Variants in C10orf90 observed in about 807,000 individuals in gnomAD.
C10orf90 encodes chromosome 10 open reading frame 90, also known as (E2-independent) E3 ubiquitin-conjugating enzyme FATS.
C10orf90 carries 56 observed loss-of-function variants against 62.5 expected under a neutral mutation model. That is an observed-to-expected ratio of 0.90 (90% CI 0.72 to 1.12). The LOEUF (loss-of-function observed/expected upper bound fraction) is 1.12, where lower values mean the gene tolerates loss of function less well. Ranked by LOEUF, C10orf90 falls within the 50% of genes most tolerant of loss-of-function variation. The pLI is 0.00. For missense variants in C10orf90, 970 were observed against 880.4 expected (o/e 1.10, Z -1.29); for synonymous variants, 386 against 340.4 (o/e 1.13, Z -1.47).
intron 4 of C10orf90, among the ~76,000 whole-genome samples, chr10:126,494,907 C>T (rs1463199349): frequency 6.6e-6 from 1 of 152,232 alleles, no homozygotes; most frequent in Admixed American, 6.5e-5. Context: ...GCCCTTCAGG[C>T]CCTCATAGGG....
intron 2 of C10orf90, among the ~76,000 whole-genome samples, chr10:126,569,062 T>G (rs778392599): frequency 6.6e-6 from 1 of 152,032 alleles, no homozygotes; most frequent in African/African-American, 2.4e-5. Flanking sequence ...TGACGTCAGC[T>G]GGCAGGAGGG....
intron 2 of C10orf90, among the ~76,000 whole-genome samples, chr10:126,567,240 T>A (rs966939060): frequency 1.3e-5 from 2 of 152,130 alleles, no homozygotes; most frequent in African/African-American, 4.8e-5. Context: ...TGGGAAAGCC[T>A]CAGGAAACTT....
intron 4 of C10orf90, among the ~76,000 whole-genome samples, chr10:126,490,589 A>G (rs1315601583): frequency 1.3e-5 from 2 of 152,130 alleles, no homozygotes; most frequent in African/African-American, 2.4e-5. Flanking sequence ...ACTTAATGCC[A>G]CAGAACTGTA....
intron 2 of C10orf90, among the ~76,000 whole-genome samples, chr10:126,565,821 C>A (rs116817697): frequency 2.0e-5 from 3 of 152,140 alleles, no homozygotes; most frequent in African/African-American, 7.2e-5. Flanking sequence ...ATCCTCCACC[C>A]GCTGTTTTGA....
At chr10:126,573,212 G>A (rs777106831) in intron 2 of C10orf90, among the ~76,000 whole-genome samples, 4 of 152,148 alleles carry the variant, frequency 2.6e-5, no homozygotes, top group Admixed American at 6.5e-5. Flanking sequence ...GCAAGCAGGC[G>A]GTACGTGACT....
intron 4 of C10orf90, among the ~76,000 whole-genome samples, chr10:126,497,871 T>C (rs955761584): frequency 3.3e-5 from 5 of 152,364 alleles, no homozygotes; most frequent in Admixed American, 2.6e-4. Flanking sequence ...CTCGGCCTCC[T>C]GGTGGTTTGC....
chr10:126,507,201 C>CA (rs1862792130), intron 3 of C10orf90, among the ~76,000 whole-genome samples: 1 of 151,436 alleles, frequency 6.6e-6, no homozygotes, highest in South Asian at 2.1e-4. Context: ...ACTAAAAATA[C>CA]AAAAAATTAG....
rs749560926 is a variant in C10orf90, at chr10:126,504,391, G to A, written c.1100C>T (p.Ser367Phe). 6.2e-7 allele frequency: 1 copy of A among 1,614,096 alleles called. No individual in the cohort carries two copies. The highest frequency in any genetic ancestry group is 8.5e-7 in the Non-Finnish European group (1 of 1,180,052). The change falls in exon 4 of 10, where the codon TCT becomes TTT. Residue 367 changes from serine to phenylalanine, a missense_variant. Transcript: ENST00000488181. This position sits in a 1 kb window ranked among gnomAD's most constrained non-coding sequence, Gnocchi z 4.1. ...AGGTGGCTCAATGGGGACGGAGAGA[G>A]ACTTGTCTACGTAATAGATTGAATC... ...CPDSIYYVDK[S>F]LSVPIEPPQI...
intron 3 of C10orf90, among the ~76,000 whole-genome samples, chr10:126,506,357 G>A (rs557519837): frequency 6.6e-6 from 1 of 152,342 alleles, no homozygotes; most frequent in African/African-American, 2.4e-5. Context: ...ACAGGGTCCT[G>A]GCCCCCGTTT....
intron 4 of C10orf90, among the ~76,000 whole-genome samples, chr10:126,498,062 C>G (rs1418005722): frequency 3.3e-5 from 5 of 152,316 alleles, no homozygotes; most frequent in South Asian, 2.1e-4. Context: ...GATTGTTTAC[C>G]TGATTCTCAA....
At chr10:126,640,629 G>T (rs1284611900) in intron 2 of C10orf90, among the ~76,000 whole-genome samples, 2 of 152,220 alleles carry the variant, frequency 1.3e-5, no homozygotes, top group Non-Finnish European at 2.9e-5. Context: ...AGAGACCTGG[G>T]GTGGGGTGGG....
chr10:126,567,863 GGAGT>G (rs1261265611), intron 2 of C10orf90, among the ~76,000 whole-genome samples: 1 of 152,118 alleles, frequency 6.6e-6, no homozygotes, highest in Non-Finnish European at 1.5e-5. Flanking sequence ...TTGAGAGGGA[GGAGT>G]GACTAGGGAA....
intron 4 of C10orf90, among the ~76,000 whole-genome samples, chr10:126,480,802 AC>A (rs2133802155): frequency 6.6e-6 from 1 of 152,022 alleles, no homozygotes; most frequent in African/African-American, 2.4e-5. Flanking sequence ...CTCCATCCCC[AC>A]CTGTACCACT....
chr10:126,624,076 G>C (rs183751929), intron 2 of C10orf90, among the ~76,000 whole-genome samples: 2 of 152,048 alleles, frequency 1.3e-5, no homozygotes, highest in Non-Finnish European at 2.9e-5. Flanking sequence ...GGCCTAGCGC[G>C]GTGGCTCACG....
chr10:126,523,598 G>A (rs1169780568), intron 2 of C10orf90: 1 of 152,166 alleles, frequency 6.6e-6, no homozygotes, highest in African/African-American at 2.4e-5. Context: ...CACATAAAAT[G>A]TACCATGTTC....
At chr10:126,662,454 G>C (rs530066640) in intron 1 of C10orf90, among the ~76,000 whole-genome samples, 25 of 152,292 alleles carry the variant, frequency 1.6e-4, no homozygotes, top group Non-Finnish European at 2.6e-4. Flanking sequence ...CCAGACTTAA[G>C]AGGGCCTGAA....
intron 1 of C10orf90, among the ~76,000 whole-genome samples, chr10:126,654,683 A>G (rs912369648): frequency 2.6e-5 from 4 of 152,216 alleles, no homozygotes; most frequent in Admixed American, 2.0e-4. Context: ...CTTTGGTACA[A>G]CAGGCGCAGC....
chr10:126,434,139 G>A (rs1476328726), intron 7 of C10orf90, among the ~76,000 whole-genome samples: 1 of 152,128 alleles, frequency 6.6e-6, no homozygotes, highest in East Asian at 1.9e-4. Context: ...AAACAACCAG[G>A]TACCAAGATT....
intron 2 of C10orf90, among the ~76,000 whole-genome samples, chr10:126,555,284 C>CA (rs1864736438): frequency 6.6e-6 from 1 of 151,412 alleles, no homozygotes; most frequent in South Asian, 2.1e-4. Context: ...GGAAATGAAA[C>CA]AAAAAAATAG....
Sources: gnomAD v4.1 joint callset for allele counts (sites outside exome capture counted in the v4.1 genomes callset) on GRCh38, gnomAD v4.1.1 for gene constraint, Gnocchi (gnomAD v3.1) non-coding constraint, MANE v1.5 for transcripts, NCBI Gene and HGNC (gene_info 2026-07-23, HGNC 2026-07-21) for gene names.